The following CDC20B variants were observed in gnomAD, a reference collection of about 807,000 sequenced individuals.
The protein encoded by CDC20B is cell division cycle 20B, also known as cell division cycle protein 20 homolog B.
A neutral mutation model predicts 64.1 loss-of-function variants in CDC20B; 58 were observed. That is an observed-to-expected ratio of 0.90 (90% CI 0.73 to 1.13). The LOEUF is 1.13. CDC20B is among the 50% of genes most tolerant of loss of function. The probability of loss-of-function intolerance (pLI) is 0.00; values close to 1 mark genes in which losing one functional copy is unlikely to be tolerated. For synonymous variants in CDC20B, 243 were observed against 230.6 expected (o/e 1.05, Z -0.49); for missense variants, 597 against 633.0 (o/e 0.94, Z 0.61).
intron 2 of CDC20B, chr5:55,170,408 G>C (rs1744558597): frequency 1.5e-5 from 6 of 402,792 alleles, no homozygotes; most frequent in Non-Finnish European, 3.1e-5. Context: ...ACTGTGCATT[G>C]TAAGTATTAC....
intron 2 of CDC20B, among the ~76,000 whole-genome samples, chr5:55,159,630 G>T (rs921382728): frequency 1.1e-4 from 16 of 152,126 alleles, no homozygotes; most frequent in African/African-American, 3.9e-4. Flanking sequence ...GATTGCCTTA[G>T]CTAGATGAAT....
At chr5:55,147,412 T>C (rs1201302256) in intron 2 of CDC20B, among the ~76,000 whole-genome samples, 5 of 138,892 alleles carry the variant, frequency 3.6e-5, no homozygotes, top group Non-Finnish European at 7.7e-5. Context: ...TAAAATATGT[T>C]ATATTTTATA....
chr5:55,151,523 T>C (rs761811194), intron 2 of CDC20B, among the ~76,000 whole-genome samples: 13 of 152,250 alleles, frequency 8.5e-5, no homozygotes, highest in Non-Finnish European at 1.8e-4. Flanking sequence ...ACTTTAAATA[T>C]ACATTTTTAA....
At position 55,140,388 on chromosome 5, in the gene CDC20B, AAG is replaced by A; in HGVS notation, c.504_505del (p.Phe169CysfsTer10). 6.2e-7 allele frequency: 1 copy of A among 1,612,886 alleles called. No individual in the cohort carries two copies. Among genetic ancestry groups the A allele is most frequent in the Non-Finnish European group, 8.5e-7 (1 of 1,179,410 alleles). On this transcript the variant is annotated frameshift_variant, in exon 5 of 12. Coordinates refer to ENST00000381375, the MANE Select transcript of CDC20B (RefSeq NM_001170402.1). LOFTEE classifies it high-confidence loss of function. ...CTGCTGAACCACGTTCTGGGTTACAAAGAGTTGTTTTAGGCATTTCTGAAAAT... is the reference window on the plus strand; with the variant it reads ...CTGCTGAACCACGTTCTGGGTTACAAAGTTGTTTTAGGCATTTCTGAAAAT...
intron 5 of CDC20B, chr5:55,137,176 CAAAAAAA>C: frequency 1.8e-5 from 2 of 114,122 alleles, no homozygotes; most frequent in East Asian, 2.4e-4. Context: ...GACTCTGTCT[CAAAAAAA>C]AAAAAAAAAA....
At chr5:55,125,829 A>C (rs1325539494) in intron 8 of CDC20B, among the ~76,000 whole-genome samples, 1 of 152,250 alleles carries the variant, frequency 6.6e-6, no homozygotes, top group African/African-American at 2.4e-5. Context: ...CTGGAGCCAG[A>C]CCAGCTGGGT....
chr5:55,160,413 G>C (rs998556026), intron 2 of CDC20B: 4 of 1,582,218 alleles, frequency 2.5e-6, no homozygotes, highest in Non-Finnish European at 3.5e-6. Flanking sequence ...TGCATCATCT[G>C]ATTTTTATTG....
intron 3 of CDC20B, 104 bp from the exon 4 acceptor site, chr5:55,143,747 A>G: frequency 8.5e-7 from 1 of 1,173,620 alleles, no homozygotes; most frequent in Non-Finnish European, 1.2e-6. Context: ...AGAGTGAAAA[A>G]GCCCAGGCTC....
At chr5:55,127,765 AC>A (rs1257532152) in intron 7 of CDC20B, among the ~76,000 whole-genome samples, 1 of 152,146 alleles carries the variant, frequency 6.6e-6, no homozygotes, top group Non-Finnish European at 1.5e-5. Context: ...AATTCCACTT[AC>A]TGCTAAGAGA....
At chr5:55,165,816 C>G (rs1356482251) in intron 2 of CDC20B, 2 of 152,176 alleles carry the variant, frequency 1.3e-5, no homozygotes, top group African/African-American at 4.8e-5. Context: ...AGTTTCCTCA[C>G]CTGTAAATTG....
chr5:55,148,113 C>G (rs1743550561), intron 2 of CDC20B, among the ~76,000 whole-genome samples: 1 of 151,988 alleles, frequency 6.6e-6, no homozygotes, highest in Non-Finnish European at 1.5e-5. Context: ...ACAAGTTTAC[C>G]AACTCAACAG....
chr5:55,138,264 G>A (rs1234141686), intron 5 of CDC20B, among the ~76,000 whole-genome samples: 3 of 151,882 alleles, frequency 2.0e-5, no homozygotes, highest in Non-Finnish European at 4.4e-5. Flanking sequence ...AGGTTCAAGT[G>A]ATTCTCCTGC....
At chr5:55,163,545 C>A (rs1397560932) in intron 2 of CDC20B, among the ~76,000 whole-genome samples, 2 of 151,800 alleles carry the variant, frequency 1.3e-5, no homozygotes, top group African/African-American at 4.8e-5. Context: ...TCACTCTTGT[C>A]CCCCAGGCTG....
chr5:55,168,213 C>T (rs993364312), intron 2 of CDC20B, among the ~76,000 whole-genome samples: 10 of 152,154 alleles, frequency 6.6e-5, no homozygotes, highest in African/African-American at 2.2e-4. Flanking sequence ...CAGAGCAGTG[C>T]AGGGGAATAA....
intron 6 of CDC20B, among the ~76,000 whole-genome samples, chr5:55,129,304 AC>A (rs1742971088): frequency 1.3e-5 from 2 of 152,300 alleles, no homozygotes; most frequent in African/African-American, 2.4e-5. Context: ...AATATAAAAA[AC>A]AAACACCTGG....
chr5:55,155,687 T>C (rs1743787524), intron 2 of CDC20B, among the ~76,000 whole-genome samples: 1 of 152,162 alleles, frequency 6.6e-6, no homozygotes, highest in African/African-American at 2.4e-5. Context: ...CAGGTAAACA[T>C]CATCCTTTAT....
intron 5 of CDC20B, chr5:55,137,435 C>T (rs1743210677): frequency 2.4e-5 from 10 of 417,168 alleles, no homozygotes; most frequent in South Asian, 1.8e-4. Flanking sequence ...GCTTTATATA[C>T]ACAGCATTTG....
In CDC20B at chr5:55,114,287, C is replaced by T; in HGVS notation, c.1491G>A (p.Leu497=). The T allele has an allele frequency of 9.3e-6, 15 of 1,614,020 alleles. No homozygotes were observed. The highest frequency in any genetic ancestry group is 1.3e-5 in the Non-Finnish European group (15 of 1,179,922). The change falls in exon 12 of 12, where the codon TTG becomes TTA. Residue 497 remains leucine, a synonymous_variant. Transcript: ENST00000381375. This position sits in a 1 kb window ranked among gnomAD's most constrained non-coding sequence, Gnocchi z 4.1. The stretch of plus-strand genomic sequence containing the variant: ...AAAACACCCGGGTCTGGTCTGGACT[C>T]AAAGACAGGTGCAGCACTCTGCCCC... The part of the protein sequence containing the change: ...GHRGRVLHLS[L]SPDQTRVFSA...
At chr5:55,115,578 C>T (rs1299447255) in intron 11 of CDC20B, among the ~76,000 whole-genome samples, 1 of 152,084 alleles carries the variant, frequency 6.6e-6, no homozygotes, top group Non-Finnish European at 1.5e-5. Flanking sequence ...TGAAAGGAGC[C>T]TGAGGCTAGG....
Sources: allele counts gnomAD v4.1 joint callset (sites outside exome capture counted in the v4.1 genomes callset), GRCh38; gene constraint gnomAD v4.1.1; non-coding constraint Gnocchi (gnomAD v3.1); transcripts MANE v1.5; gene names NCBI Gene and HGNC (gene_info 2026-07-23, HGNC 2026-07-21).